Variants in CCSER1 observed in about 807,000 individuals in gnomAD.
The protein encoded by CCSER1 is serine-rich coiled-coil domain-containing protein 1.
CCSER1 carries 41 observed loss-of-function variants against 82.0 expected under a neutral mutation model. The ratio of observed to expected loss-of-function variants is 0.50; its 90% CI spans 0.39 to 0.65. The LOEUF is 0.65. Ranked by LOEUF, CCSER1 falls within the 30% of genes least tolerant of loss-of-function variation. The probability of loss-of-function intolerance (pLI) is 0.00; values close to 1 mark genes in which losing one functional copy is unlikely to be tolerated. For synonymous variants in CCSER1, 414 were observed against 383.9 expected (o/e 1.08, Z -0.92); for missense variants, 1,119 against 1,064.2 (o/e 1.05, Z -0.72).
rs569184545 is a variant in CCSER1 at position 91,058,068 on chromosome 4, A to G, written c.2173-27882A>G. Among the ~76,000 whole-genome samples the G allele has an allele frequency of 9.2e-5, 14 of 152,234 alleles. No homozygotes were observed. The East Asian group carries it at 2.1e-3, about 23-fold the overall frequency. On this transcript the variant is annotated intron_variant, in intron 9 of 10. Transcript: ENST00000509176. ...AGGTACAAGTGCAGGCTTGTTACAT[A>G]GGTAAACTTGTGTCATGGGGGTTTT...
chr4:90,309,543 C>T lies in CCSER1; in HGVS notation c.1259C>T (p.Pro420Leu). ...CCTATTTCAGATTCAAAGATAATACCTACTTCTGGTGATCATCATATTTTT... is the reference window on the plus strand; with the variant it reads ...CCTATTTCAGATTCAAAGATAATACTTACTTCTGGTGATCATCATATTTTT... ...IHPISDSKII[P>L]TSGDHHIFNK... The change falls in exon 2 of 11, where the codon CCT (proline) becomes CTT (leucine). Residue 420 changes from proline to leucine, a missense_variant. Coordinates refer to ENST00000509176, the MANE Select transcript of CCSER1 (RefSeq NM_001145065.2). 1 of 1,610,622 alleles carries T rather than the reference C, an allele frequency of 6.2e-7. No individual in the cohort carries two copies.
chr4:90,982,206 C>CTGGT (rs1736176553), intron 9 of CCSER1, among the ~76,000 whole-genome samples: 1 of 151,690 alleles, frequency 6.6e-6, no homozygotes, highest in Non-Finnish European at 1.5e-5. Context: ...GGCTCTTTTC[C>CTGGT]TGGTTTGCAG....
At chr4:91,127,619 A>T (rs903317752) in intron 10 of CCSER1, among the ~76,000 whole-genome samples, 2 of 152,094 alleles carry the variant, frequency 1.3e-5, no homozygotes, top group Non-Finnish European at 1.5e-5. Context: ...AAAATACAAG[A>T]GAAATGTCCT....
At chr4:91,488,583 G>A (rs912316508) in intron 10 of CCSER1, among the ~76,000 whole-genome samples, 2 of 152,082 alleles carry the variant, frequency 1.3e-5, no homozygotes, top group African/African-American at 2.4e-5. Flanking sequence ...GAGTTAGCAC[G>A]AGAACTGGTT....
chr4:91,368,876 T>C (rs1749826369), intron 10 of CCSER1, among the ~76,000 whole-genome samples: 1 of 152,176 alleles, frequency 6.6e-6, no homozygotes, highest in Admixed American at 6.5e-5. Flanking sequence ...ATAATACAAA[T>C]ATGGAATTGC....
chr4:90,139,202 T>C (rs1724266780), intron 1 of CCSER1, among the ~76,000 whole-genome samples: 1 of 152,334 alleles, frequency 6.6e-6, no homozygotes, highest in South Asian at 2.1e-4. Flanking sequence ...AGAGAAACTC[T>C]TATTTACATA....
chr4:90,750,078 C>G (rs1269890004), intron 7 of CCSER1, among the ~76,000 whole-genome samples: 2 of 151,954 alleles, frequency 1.3e-5, no homozygotes, highest in African/African-American at 4.8e-5. Context: ...TTTTTGGCTG[C>G]ATAAATGTCT....
chr4:90,672,029 G>A (rs1382314262), intron 6 of CCSER1, among the ~76,000 whole-genome samples: 1 of 152,024 alleles, frequency 6.6e-6, no homozygotes, highest in Non-Finnish European at 1.5e-5. Context: ...AGTGAGCCAT[G>A]TCATTAAACA....
intron 9 of CCSER1, among the ~76,000 whole-genome samples, chr4:91,028,097 T>C (rs1220596038): frequency 6.6e-6 from 1 of 152,044 alleles, no homozygotes; most frequent in Admixed American, 6.6e-5. Context: ...CTTGTATTTG[T>C]CATAGCTAAA....
intron 10 of CCSER1, among the ~76,000 whole-genome samples, chr4:91,203,721 T>C (rs1050612184): frequency 5.9e-5 from 9 of 151,824 alleles, no homozygotes; most frequent in Admixed American, 5.3e-4. Flanking sequence ...TAAAGTGATA[T>C]CTGAGAAGAA....
intron 9 of CCSER1, among the ~76,000 whole-genome samples, chr4:91,062,260 C>T (rs951143377): frequency 6.6e-6 from 1 of 151,984 alleles, no homozygotes; most frequent in Non-Finnish European, 1.5e-5. Context: ...ATTCCCTCAC[C>T]CATGCAGAGG....
Position 90,216,219 on chromosome 4 carries a change from C to T in CCSER1, c.-42+88388C>T, listed in dbSNP as rs559221607. Among the ~76,000 whole-genome samples, 51 of 152,252 alleles carry T rather than the reference C, an allele frequency of 3.3e-4. 2 individuals are homozygous for T. In the South Asian group the frequency reaches 8.5e-3, roughly 25 times the overall value. ...ATCCCGGACCTACTGAATCAGAATG[C>T]GCTTTTTAACAATACTTCTCTCTAC... On this transcript the variant is annotated intron_variant, in intron 1 of 10. Transcript: ENST00000509176.
intron 10 of CCSER1, among the ~76,000 whole-genome samples, chr4:91,455,582 A>T (rs1413759095): frequency 6.6e-6 from 1 of 151,926 alleles, no homozygotes; most frequent in Non-Finnish European, 1.5e-5. Flanking sequence ...CAGCCTCCAG[A>T]ATTATGAGAA....
chr4:90,236,715 T>A (rs1421656015), intron 1 of CCSER1, among the ~76,000 whole-genome samples: 2 of 152,098 alleles, frequency 1.3e-5, no homozygotes, highest in African/African-American at 2.4e-5. Context: ...GACTCTAATT[T>A]TTTTTTTCAG....
chr4:90,477,669 A>C (rs1476926086), intron 5 of CCSER1, among the ~76,000 whole-genome samples: 1 of 151,316 alleles, frequency 6.6e-6, no homozygotes. Flanking sequence ...AAGCCCTTTT[A>C]CAACAAATGT....
chr4:90,464,893 G>T (rs1763414496), intron 4 of CCSER1, among the ~76,000 whole-genome samples: 1 of 152,154 alleles, frequency 6.6e-6, no homozygotes, highest in African/African-American at 2.4e-5. Context: ...ATTAAATAAT[G>T]GAGTAATTAA....
At chr4:91,025,395 CTTCA>C (rs1433408405) in intron 9 of CCSER1, among the ~76,000 whole-genome samples, 1 of 152,100 alleles carries the variant, frequency 6.6e-6, no homozygotes, top group Admixed American at 6.6e-5. Context: ...TTCATTTTCA[CTTCA>C]TTCATTCTTT....
intron 10 of CCSER1, among the ~76,000 whole-genome samples, chr4:91,196,688 T>A (rs933970293): frequency 3.9e-5 from 6 of 152,210 alleles, no homozygotes; most frequent in African/African-American, 1.4e-4. Flanking sequence ...AGTGAATTGC[T>A]CATTTTGTGA....
intron 9 of CCSER1, among the ~76,000 whole-genome samples, chr4:91,025,358 A>G (rs1292431795): frequency 6.6e-6 from 1 of 152,124 alleles, no homozygotes; most frequent in African/African-American, 2.4e-5. Context: ...ACTATCTTAT[A>G]TATTCTTAGA....
Sources: gnomAD v4.1 joint callset for allele counts (sites outside exome capture counted in the v4.1 genomes callset) on GRCh38, gnomAD v4.1.1 for gene constraint, MANE v1.5 for transcripts, NCBI Gene and HGNC (gene_info 2026-07-23, HGNC 2026-07-21) for gene names.